Variants in PCDHGA8 observed in about 807,000 individuals in gnomAD.
PCDHGA8 encodes protocadherin gamma-A8.
A neutral mutation model predicts 59.2 loss-of-function variants in PCDHGA8; 45 were observed. The ratio of observed to expected loss-of-function variants is 0.76; its 90% CI spans 0.60 to 0.98. PCDHGA8 has a LOEUF of 0.98. Ranked by LOEUF, PCDHGA8 falls within the 50% of genes least tolerant of loss-of-function variation. The probability of loss-of-function intolerance (pLI) is 0.00; values close to 1 mark genes in which losing one functional copy is unlikely to be tolerated. For synonymous variants in PCDHGA8, 531 were observed against 519.0 expected, an observed-to-expected ratio of 1.02 and a Z score of -0.32; for missense variants, 1,257 against 1,196.2, an observed-to-expected ratio of 1.05 and a Z score of -0.75.
chr5:141,503,773 C>A (rs961986223), intron 2 of PCDHGA8, among the ~76,000 whole-genome samples: 1 of 152,204 alleles, frequency 6.6e-6, no homozygotes. Context: ...TGTGTCTGTT[C>A]TTAGGCTGAG....
Position 141,459,563 on chromosome 5 carries a change from C to T in PCDHGA8, c.2425-35244C>T, listed in dbSNP as rs1382676727. On this transcript the variant is annotated intron_variant, in intron 1 of 3. Coordinates refer to ENST00000398604, the MANE Select transcript of PCDHGA8 (RefSeq NM_032088.2). ...TTTTATTTCTCTTGGATAAATACCCCAAAACAGAATTGTTTTGGGGGTCAT... is the reference window on the plus strand; with the variant it reads ...TTTTATTTCTCTTGGATAAATACCCTAAAACAGAATTGTTTTGGGGGTCAT... Among the ~76,000 whole-genome samples, 21 of 152,044 alleles carry T rather than the reference C, an allele frequency of 1.4e-4. 1 individual carries two copies.
intron 1 of PCDHGA8, among the ~76,000 whole-genome samples, chr5:141,482,800 G>A (rs10052648): frequency 7.6e-6 from 1 of 130,764 alleles, no homozygotes; most frequent in South Asian, 2.2e-4. Flanking sequence ...GGCCGGGTAC[G>A]GTGGCTCATG....
intron 1 of PCDHGA8, chr5:141,419,197 T>A (rs560134083): frequency 6.2e-7 from 1 of 1,613,966 alleles, no homozygotes; most frequent in East Asian, 2.2e-5. Flanking sequence ...CTGACGTCAA[T>A]GACAACGCGC....
intron 1 of PCDHGA8, chr5:141,414,447 C>A (rs2095748360): frequency 1.2e-6 from 2 of 1,613,848 alleles, no homozygotes; most frequent in East Asian, 2.2e-5. Flanking sequence ...CTTACAATAT[C>A]ACAGTGACAG....
At chr5:141,411,425 A>AC (rs971774943) in intron 1 of PCDHGA8, 58 of 150,512 alleles carry the variant, frequency 3.9e-4, no homozygotes, top group African/African-American at 1.4e-3. Flanking sequence ...AACAACAACA[A>AC]AAAAAAACAT....
intron 1 of PCDHGA8, chr5:141,415,504 C>G (rs1444248720): frequency 1.2e-6 from 2 of 1,614,216 alleles, no homozygotes; most frequent in South Asian, 2.2e-5. Flanking sequence ...CTTCCCCCAG[C>G]CCAATTATGC....
intron 1 of PCDHGA8, chr5:141,478,871 T>C: frequency 2.4e-6 from 3 of 1,274,796 alleles, no homozygotes; most frequent in Non-Finnish European, 3.1e-6. Flanking sequence ...GCGATCAGAG[T>C]TTAGCTTGGT....
In PCDHGA8 at chr5:141,510,989, C is replaced by A. The variant is rs2099883548; in HGVS notation, c.2615C>A (p.Thr872Asn). The A allele has an allele frequency of 1.2e-6, 2 of 1,614,198 alleles. No homozygotes were observed. The highest frequency in any genetic ancestry group is 1.7e-6 in the Non-Finnish European group (2 of 1,180,022). ...TCCACCCTGGGAGGGGGTGCCGGCA[C>A]CATGGGATTGAGCGCCCGCTACGGA... is the stretch of plus-strand genomic sequence containing the variant. ...GSSTLGGGAG[T>N]MGLSARYGPQ... Residue 872 changes from threonine to asparagine, a missense_variant, in exon 4 of 4, where the codon ACC becomes AAC. Thr to Asn is a moderately conservative substitution (Grantham distance 65, BLOSUM62 0). Transcript: ENST00000398604.
chr5:141,432,934 G>T lies in PCDHGA8; in HGVS notation c.2424+37697G>T, dbSNP rs377666802. 1.2e-6 allele frequency: 2 copies of T among 1,614,078 alleles called. No individual in the cohort carries two copies. The highest frequency in any genetic ancestry group is 1.3e-5 in the African/African-American group (1 of 74,940). On this transcript the variant is annotated intron_variant, in intron 1 of 3. Coordinates refer to ENST00000398604, the MANE Select transcript of PCDHGA8 (RefSeq NM_032088.2). This position sits in a 1 kb window ranked among gnomAD's most constrained non-coding sequence, Gnocchi z 6.0. ...GGCGCTGGCACAAGTCACGCCTGCT[G>T]CAGGCTTCAGGAGGCGGCTTGACAG...
chr5:141,509,233 AG>A (rs1204393769), intron 3 of PCDHGA8, among the ~76,000 whole-genome samples: 1 of 152,104 alleles, frequency 6.6e-6, no homozygotes, highest in Non-Finnish European at 1.5e-5. Context: ...TTGATGTCCC[AG>A]GATTACTCAG....
intron 1 of PCDHGA8, chr5:141,403,237 CTG>C (rs1436614562): frequency 1.2e-6 from 2 of 1,613,942 alleles, no homozygotes; most frequent in Admixed American, 1.7e-5. Flanking sequence ...GGGAGGAGCT[CTG>C]TGCTCAGAGC....
intron 1 of PCDHGA8, chr5:141,415,762 T>TTTTG: frequency 2.1e-6 from 3 of 1,399,986 alleles, no homozygotes; most frequent in Non-Finnish European, 2.8e-6. Flanking sequence ...TTTTTTTTTT[T>TTTTG]TTTTTTTTTT....
intron 1 of PCDHGA8, chr5:141,417,843 G>C: frequency 6.5e-7 from 1 of 1,539,250 alleles, no homozygotes; most frequent in Non-Finnish European, 8.8e-7. Context: ...GGGACCCAGC[G>C]AGAACCCGAG....
At chr5:141,415,538 G>A in intron 1 of PCDHGA8, 1 of 1,614,182 alleles carries the variant, frequency 6.2e-7, no homozygotes, top group Non-Finnish European at 8.5e-7. Flanking sequence ...AGCCAGGAGA[G>A]CTGTGAGAAA....
In PCDHGA8 at chr5:141,512,223, C is replaced by G. The variant is rs1321595614; in HGVS notation, c.*1050C>G. 6.5e-6 allele frequency: 1 copy of G among 152,728 alleles called. No individual in the cohort carries two copies. The highest frequency in any genetic ancestry group is 1.5e-5 in the Non-Finnish European group (1 of 68,110). 9.5% of individuals were successfully genotyped at this position (152,728 alleles called of 1,614,324 possible). ...CTCGAAGCAGGTTTAGGACCAGGTC[C>G]CCTTGAGAGGTCAGAGGGGCCTCTG... On this transcript the variant is annotated 3_prime_UTR_variant, in exon 4 of 4. Transcript: ENST00000398604.
At chr5:141,450,881 G>A (rs1205242412) in intron 1 of PCDHGA8, among the ~76,000 whole-genome samples, 1 of 149,726 alleles carries the variant, frequency 6.7e-6, no homozygotes, top group African/African-American at 2.5e-5. Flanking sequence ...CTGGTGTGCA[G>A]TGGTGCGATA....
At chr5:141,506,053 T>C (rs1486313858) in intron 3 of PCDHGA8, among the ~76,000 whole-genome samples, 1 of 152,126 alleles carries the variant, frequency 6.6e-6, no homozygotes, top group Non-Finnish European at 1.5e-5. Context: ...TCCCATAAGG[T>C]TGACTAAGGG....
At position 141,485,443 on chromosome 5, in the gene PCDHGA8, C is replaced by A. The variant is rs2099613637; in HGVS notation, c.2425-9364C>A. 5 of 1,614,054 alleles carry A rather than the reference C, an allele frequency of 3.1e-6. No individual in the cohort carries two copies. The East Asian group carries it at 6.7e-5, about 22-fold the overall frequency. ...GAGCCCTGCTCATCAAGAACCCAAT[C>A]GACCGAGAGGCACTGTGTGGGCTCA... On this transcript the variant is annotated intron_variant, in intron 1 of 3. Coordinates refer to ENST00000398604, the MANE Select transcript of PCDHGA8 (RefSeq NM_032088.2). This position sits in a 1 kb window ranked among gnomAD's most constrained non-coding sequence, Gnocchi z 5.7.
In PCDHGA8 at chr5:141,432,510, C is replaced by A; in HGVS notation, c.2424+37273C>A. 1 of 1,614,140 alleles carries A rather than the reference C, an allele frequency of 6.2e-7. No homozygotes were observed. The highest frequency in any genetic ancestry group is 8.5e-7 in the Non-Finnish European group (1 of 1,180,042). On this transcript the variant is annotated intron_variant, in intron 1 of 3. Coordinates refer to ENST00000398604, the MANE Select transcript of PCDHGA8 (RefSeq NM_032088.2). The surrounding 1 kb of genome is among the most constrained non-coding windows in gnomAD (Gnocchi z 6.0). ...GAGCTGGCTCCCCGCTCCGCAGAGCCCGGCTACCTGGTGACCAAGGTGGTG... is the reference window on the plus strand; with the variant it reads ...GAGCTGGCTCCCCGCTCCGCAGAGCACGGCTACCTGGTGACCAAGGTGGTG...
Sources: allele counts gnomAD v4.1 joint callset (sites outside exome capture counted in the v4.1 genomes callset), GRCh38; gene constraint gnomAD v4.1.1; non-coding constraint Gnocchi (gnomAD v3.1); transcripts MANE v1.5; gene names NCBI Gene and HGNC (gene_info 2026-07-23, HGNC 2026-07-21).